Variants in CYP20A1 observed in about 807,000 individuals in gnomAD.
CYP20A1 encodes the protein cytochrome P450 family 20 subfamily A member 1, also known as cytochrome P450 20A1.
CYP20A1 carries 61 observed loss-of-function variants against 61.4 expected under a neutral mutation model. The ratio of observed to expected loss-of-function variants is 0.99; its 90% CI spans 0.81 to 1.23. CYP20A1 has a LOEUF of 1.23. Among genes scored for constraint, CYP20A1 ranks in the 50% most tolerant of loss-of-function variants. The pLI is 0.00. For synonymous variants in CYP20A1, 193 were observed against 188.2 expected (o/e 1.03, Z -0.21); for missense variants, 530 against 542.4 (o/e 0.98, Z 0.23).
At position 203,303,994 on chromosome 2, in the gene CYP20A1, C is replaced by T. The variant is rs1263878708; in HGVS notation, c.*7086C>T. On this transcript the variant is annotated 3_prime_UTR_variant, in exon 13 of 13. Transcript: ENST00000356079. ...CAGCACTTTGGGAGTCCAAAGTGGG[C>T]GTATAACTTGAGGTCAGGAGTTCAA... Among the ~76,000 whole-genome samples the T allele has an allele frequency of 6.6e-6, 1 of 151,470 alleles. No homozygotes were observed. Among genetic ancestry groups the T allele is most frequent in the Non-Finnish European group, 1.5e-5 (1 of 67,898 alleles).
chr2:203,298,191 C>T lies in CYP20A1; in HGVS notation c.*1283C>T, dbSNP rs574521778. The T allele has an allele frequency of 3.4e-3, 522 of 155,336 alleles. 3 individuals carry two copies. The highest frequency in any genetic ancestry group is 0.012 in the African/African-American group (491 of 41,492). 9.6% of individuals were successfully genotyped at this position (155,336 alleles called of 1,614,324 possible). On this transcript the variant is annotated 3_prime_UTR_variant, in exon 13 of 13. Coordinates refer to ENST00000356079, the MANE Select transcript of CYP20A1 (RefSeq NM_177538.3). The stretch of plus-strand genomic sequence containing the variant: ...TTGCTTGAGCCCAGGAGTTTGAGAC[C>T]AGCCCAGGCAACATTGGGAGACCCT...
chr2:203,299,911 T>A lies in CYP20A1; in HGVS notation c.*3003T>A, dbSNP rs1400059671. Among the ~76,000 whole-genome samples, 1 of 152,108 alleles carries A rather than the reference T, an allele frequency of 6.6e-6. No individual in the cohort carries two copies. The highest frequency in any genetic ancestry group is 1.5e-5 in the Non-Finnish European group (1 of 68,004). On this transcript the variant is annotated 3_prime_UTR_variant, in exon 13 of 13. Transcript: ENST00000356079. ...AAAAATTCTAAAACTTTAAGTGAAA[T>A]TTATTATCCCTTCCCACTTATTTTC... is the stretch of plus-strand genomic sequence containing the variant.
intron 3 of CYP20A1, among the ~76,000 whole-genome samples, chr2:203,247,790 G>A (rs1195551449): frequency 1.3e-5 from 2 of 152,138 alleles, no homozygotes; most frequent in African/African-American, 4.8e-5. Context: ...CTGGGAGGCA[G>A]AGGTTGCAGT....
chr2:203,277,873 A>C (rs1416431128), intron 6 of CYP20A1, among the ~76,000 whole-genome samples: 2 of 152,214 alleles, frequency 1.3e-5, no homozygotes, highest in African/African-American at 4.8e-5. Context: ...CTATCCCTAA[A>C]TAAGTGATTC....
At chr2:203,255,305 A>T (rs78189950) in intron 4 of CYP20A1, among the ~76,000 whole-genome samples, 4,555 of 152,282 alleles carry the variant, frequency 0.03, 245 homozygotes, top group African/African-American at 0.1. Context: ...AATACTTTTT[A>T]AAAAAACTAT....
At chr2:203,270,803 A>G (rs2067532192) in intron 5 of CYP20A1, among the ~76,000 whole-genome samples, 1 of 144,276 alleles carries the variant, frequency 6.9e-6, no homozygotes, top group Non-Finnish European at 1.5e-5. Context: ...TCCCAGACTC[A>G]AGCTATCCTT....
chr2:203,296,494 A>G lies in CYP20A1; in HGVS notation c.1169A>G (p.Asp390Gly). ...SPHKFDPDRF[D>G]DELVMKTFSS... is the part of the protein sequence containing the mutation. The stretch of plus-strand genomic sequence containing the variant: ...TGTAGGTTTGATCCAGATCGGTTTG[A>G]TGATGAATTAGTAATGAAAACTTTT... The change falls in exon 12 of 13, where the codon GAT (aspartate) becomes GGT (glycine). Residue 390 changes from aspartate to glycine, a missense_variant. Asp to Gly is a moderately conservative substitution (Grantham distance 94). Transcript: ENST00000356079. The G allele has an allele frequency of 6.2e-7, 1 of 1,612,100 alleles. No individual in the cohort carries two copies. The highest frequency in any genetic ancestry group is 8.5e-7 in the Non-Finnish European group (1 of 1,178,922).
chr2:203,251,817 A>ATATATATATATATAT (rs34111991), intron 3 of CYP20A1, 150 bp from the exon 4 acceptor site: 1 of 95,294 alleles, frequency 1.0e-5, no homozygotes, highest in African/African-American at 3.4e-5. Context: ...ATATATATAT[A>ATATATATATATATAT]AAAAATAAAA....
intron 5 of CYP20A1, among the ~76,000 whole-genome samples, chr2:203,267,122 AC>A (rs2067357417): frequency 1.3e-5 from 2 of 152,046 alleles, no homozygotes; most frequent in Admixed American, 1.3e-4. Context: ...CCATTGCAGC[AC>A]TGCACTCCAG....
intron 9 of CYP20A1, among the ~76,000 whole-genome samples, chr2:203,288,784 G>A (rs2068409766): frequency 1.3e-5 from 2 of 152,162 alleles, no homozygotes; most frequent in Non-Finnish European, 2.9e-5. Flanking sequence ...GTAGGACAGT[G>A]GTTAAGATTT....
intron 1 of CYP20A1, among the ~76,000 whole-genome samples, chr2:203,242,977 CA>C (rs2066307579): frequency 1.3e-5 from 2 of 152,108 alleles, no homozygotes; most frequent in South Asian, 4.1e-4. Context: ...ACAAACAAAA[CA>C]CAGGCAGAAA....
At chr2:203,294,940 AATTTTTTTTTTTT>A (rs1443486244) in intron 11 of CYP20A1, among the ~76,000 whole-genome samples, 6 of 91,250 alleles carry the variant, frequency 6.6e-5, no homozygotes, top group African/African-American at 2.2e-4. Context: ...CCTTTAAAAA[AATTTTTTTTTTTT>A]TTTTTTTTTT....
intron 5 of CYP20A1, among the ~76,000 whole-genome samples, chr2:203,271,052 G>GTATATATATA (rs1352823025): frequency 2.6e-4 from 12 of 45,756 alleles, no homozygotes; most frequent in African/African-American, 5.5e-4. Context: ...ATATGTATAT[G>GTATATATATA]TGTATATATA....
At chr2:203,246,165 C>T (rs1357681098) in intron 2 of CYP20A1, among the ~76,000 whole-genome samples, 2 of 152,118 alleles carry the variant, frequency 1.3e-5, no homozygotes, top group African/African-American at 2.4e-5. Context: ...ACTAGGCAGA[C>T]AGATGGAATA....
At chr2:203,240,037 A>C (rs1211178501) in intron 1 of CYP20A1, among the ~76,000 whole-genome samples, 1 of 152,190 alleles carries the variant, frequency 6.6e-6, no homozygotes, top group Non-Finnish European at 1.5e-5. Flanking sequence ...CGGAGCTTGC[A>C]GTGAGCCAAG....
chr2:203,294,599 A>G (rs2068693392), intron 11 of CYP20A1, among the ~76,000 whole-genome samples: 1 of 152,138 alleles, frequency 6.6e-6, no homozygotes. Flanking sequence ...GCTTTAATCC[A>G]GATACCCTCC....
At chr2:203,243,474 T>C (rs1316268253) in intron 1 of CYP20A1, among the ~76,000 whole-genome samples, 1 of 151,930 alleles carries the variant, frequency 6.6e-6, no homozygotes, top group Non-Finnish European at 1.5e-5. Flanking sequence ...CACTGCAACC[T>C]CCGCCTCCCG....
chr2:203,249,760 G>A (rs547674647), intron 3 of CYP20A1, among the ~76,000 whole-genome samples: 2 of 152,092 alleles, frequency 1.3e-5, no homozygotes, highest in Non-Finnish European at 2.9e-5. Context: ...CATGAAAATC[G>A]CTTGAACCTG....
At chr2:203,284,626 A>G (rs1043437259) in intron 8 of CYP20A1, among the ~76,000 whole-genome samples, 1 of 151,348 alleles carries the variant, frequency 6.6e-6, no homozygotes, top group African/African-American at 2.4e-5. Context: ...TCGATATTCC[A>G]TTTGTTAAAA....
Sources: allele counts gnomAD v4.1 joint callset (sites outside exome capture counted in the v4.1 genomes callset), GRCh38; gene constraint gnomAD v4.1.1; transcripts MANE v1.5; gene names NCBI Gene and HGNC (gene_info 2026-07-23, HGNC 2026-07-21).